The following CNGB3 variants were observed in gnomAD, a reference collection of about 807,000 sequenced individuals.
CNGB3 encodes the protein cyclic nucleotide-gated channel beta-3.
A neutral mutation model predicts 92.8 loss-of-function variants in CNGB3; 86 were observed. The observed-to-expected ratio is 0.93, with a 90% CI of 0.78 to 1.11. The LOEUF (loss-of-function observed/expected upper bound fraction) is 1.11. Ranked by LOEUF, CNGB3 falls within the 50% of genes least tolerant of loss-of-function variation. CNGB3 has a pLI of 0.00. For missense variants in CNGB3, 1,026 were observed against 956.8 expected (o/e 1.07, Z -0.95); for synonymous variants, 333 against 332.7 (o/e 1.00, Z -0.01).
intron 3 of CNGB3, among the ~76,000 whole-genome samples, chr8:86,689,886 A>G (rs1230736405): frequency 3.3e-5 from 5 of 152,348 alleles, no homozygotes; most frequent in African/African-American, 9.6e-5. Flanking sequence ...TACAAAGGAC[A>G]TGAACTCATC....
At chr8:86,693,791 GC>G (rs1482413987) in intron 3 of CNGB3, among the ~76,000 whole-genome samples, 2 of 151,338 alleles carry the variant, frequency 1.3e-5, no homozygotes, top group Non-Finnish European at 3.0e-5. Context: ...GGATCCCAAG[GC>G]AGAAGAATTT....
At chr8:86,702,953 T>C (rs1824581754) in intron 3 of CNGB3, among the ~76,000 whole-genome samples, 1 of 152,102 alleles carries the variant, frequency 6.6e-6, no homozygotes, top group South Asian at 2.1e-4. Context: ...TCTCCATATA[T>C]TTGATGAAGA....
chr8:86,694,521 G>A (rs1239381284), intron 3 of CNGB3, among the ~76,000 whole-genome samples: 1 of 151,408 alleles, frequency 6.6e-6, no homozygotes, highest in Admixed American at 6.6e-5. Context: ...CTGCCGGGTG[G>A]CGGGACTCCT....
intron 7 of CNGB3, among the ~76,000 whole-genome samples, chr8:86,652,865 G>T (rs1311479838): frequency 6.6e-6 from 1 of 152,070 alleles, no homozygotes; most frequent in Non-Finnish European, 1.5e-5. Flanking sequence ...AAAGAGTACA[G>T]GATAGTAAAT....
At chr8:86,718,053 C>A (rs1824896026) in intron 3 of CNGB3, among the ~76,000 whole-genome samples, 2 of 150,964 alleles carry the variant, frequency 1.3e-5, no homozygotes, top group Non-Finnish European at 3.0e-5. Flanking sequence ...AGGCGTACAT[C>A]AAAAAGTCAG....
chr8:86,676,162 C>T (rs185391473), intron 3 of CNGB3, among the ~76,000 whole-genome samples: 136 of 152,250 alleles, frequency 8.9e-4, no homozygotes, highest in African/African-American at 3.0e-3. Flanking sequence ...AAAGTTTTGA[C>T]GTGCACGCAG....
intron 3 of CNGB3, among the ~76,000 whole-genome samples, chr8:86,686,989 C>A (rs1409943496): frequency 6.6e-6 from 1 of 151,978 alleles, no homozygotes; most frequent in African/African-American, 2.4e-5. Context: ...GAATCTGAAG[C>A]TTAAGCTTTA....
intron 12 of CNGB3, 108 bp from the exon 13 acceptor site, chr8:86,626,188 C>A (rs2131580563): frequency 2.6e-6 from 2 of 781,524 alleles, no homozygotes; most frequent in African/African-American, 3.4e-5. Context: ...AATGCAAACA[C>A]TTTTTATACA....
At chr8:86,613,838 T>A (rs1347542734) in intron 13 of CNGB3, among the ~76,000 whole-genome samples, 1 of 149,474 alleles carries the variant, frequency 6.7e-6, no homozygotes, top group Non-Finnish European at 1.5e-5. Context: ...ATTTTAAATA[T>A]TGTTTTCCTG....
intron 15 of CNGB3, among the ~76,000 whole-genome samples, chr8:86,600,672 C>T (rs1453594213): frequency 5.6e-4 from 84 of 149,028 alleles, no homozygotes; most frequent in African/African-American, 1.8e-3. Context: ...CGCAGTGGCG[C>T]GATCTCGGCT....
rs528677470 is a variant in CNGB3 at position 86,633,716 on chromosome 8, T to C, written c.1179-823A>G. On this transcript the variant is annotated intron_variant, in intron 10 of 17. Coordinates refer to ENST00000320005, the MANE Select transcript of CNGB3 (RefSeq NM_019098.5). ...CAAAAATTTGAGGCTGTTTTTAAACTACTACACTATTGATTTGTGGGAATA... is the reference window on the plus strand; with the variant it reads ...CAAAAATTTGAGGCTGTTTTTAAACCACTACACTATTGATTTGTGGGAATA... Among the ~76,000 whole-genome samples, 13 of 152,370 alleles carry C rather than the reference T, an allele frequency of 8.5e-5. No individual in the cohort carries two copies. The South Asian group carries it at 2.7e-3, about 32-fold the overall frequency.
chr8:86,625,865 A>C, intron 13 of CNGB3, 118 bp downstream of exon 13: 1 of 794,996 alleles, frequency 1.3e-6, no homozygotes, highest in Non-Finnish European at 2.1e-6. Flanking sequence ...TAATTTCTCT[A>C]GGTTATTTTG....
chr8:86,724,419 T>C (rs138107304), intron 3 of CNGB3, among the ~76,000 whole-genome samples: 18 of 152,278 alleles, frequency 1.2e-4, no homozygotes, highest in African/African-American at 4.3e-4. Context: ...GGAGAAGCTG[T>C]ATAGTTTTGA....
At chr8:86,629,497 T>C (rs1822918344) in intron 11 of CNGB3, among the ~76,000 whole-genome samples, 1 of 152,184 alleles carries the variant, frequency 6.6e-6, no homozygotes, top group Non-Finnish European at 1.5e-5. Context: ...GAGTGTGCAA[T>C]AAAAGTTGAG....
intron 6 of CNGB3, chr8:86,660,883 A>G (rs1823627965): frequency 2.7e-6 from 1 of 373,872 alleles, no homozygotes; most frequent in Non-Finnish European, 5.4e-6. Flanking sequence ...GCTCAAGGCA[A>G]TAACATTCTT....
At chr8:86,624,024 C>G (rs1822794440) in intron 13 of CNGB3, among the ~76,000 whole-genome samples, 1 of 152,160 alleles carries the variant, frequency 6.6e-6, no homozygotes, top group Admixed American at 6.6e-5. Flanking sequence ...TTCCTAAGGC[C>G]TTTTCTTCAC....
chr8:86,735,144 CT>C (rs10689543), intron 2 of CNGB3, among the ~76,000 whole-genome samples: 1 of 81,270 alleles, frequency 1.2e-5, no homozygotes, highest in African/African-American at 5.4e-5. Context: ...AAATGGTTGC[CT>C]TTTTTTTTTT....
intron 13 of CNGB3, among the ~76,000 whole-genome samples, chr8:86,624,524 T>A (rs35110381): frequency 0.051 from 7,757 of 152,206 alleles, 260 homozygotes; most frequent in Non-Finnish European, 0.081. Context: ...CTCTGACTAC[T>A]CTTGCTTCCA....
intron 2 of CNGB3, among the ~76,000 whole-genome samples, chr8:86,738,737 C>T (rs1825288188): frequency 6.6e-6 from 1 of 151,474 alleles, no homozygotes; most frequent in African/African-American, 2.4e-5. Context: ...TACCTGGGAG[C>T]CTGAGAGGCA....
Sources: allele counts gnomAD v4.1 joint callset (sites outside exome capture counted in the v4.1 genomes callset), GRCh38; gene constraint gnomAD v4.1.1; transcripts MANE v1.5; gene names NCBI Gene and HGNC (gene_info 2026-07-23, HGNC 2026-07-21).